Variants in PCDH11X observed in about 807,000 individuals in gnomAD.
PCDH11X encodes the protein protocadherin-11 X-linked.
In PCDH11X, 18 loss-of-function variants were observed where a neutral mutation model predicts 53.3. The ratio of observed to expected loss-of-function variants is 0.34; its 90% CI spans 0.23 to 0.50. The LOEUF is 0.50. Ranked by LOEUF, PCDH11X falls within the 20% of genes least tolerant of loss-of-function variation. PCDH11X has a pLI of 0.98. For synonymous variants in PCDH11X, 279 were observed against 393.3 expected (o/e 0.71, Z 3.44); for missense variants, 570 against 1,032.4 (o/e 0.55, Z 6.14).
At chrX:91,989,287 G>T (rs902836076) in intron 6 of PCDH11X, among the ~76,000 whole-genome samples, 2 of 111,462 alleles carry the variant, frequency 1.8e-5, no homozygotes, top group Non-Finnish European at 3.8e-5. Context: ...AGAAGGCCGG[G>T]CGCGGTGGCT....
At chrX:92,347,405 T>C (rs1396289052) in intron 8 of PCDH11X, among the ~76,000 whole-genome samples, 2 of 112,057 alleles carry the variant, frequency 1.8e-5, no homozygotes, top group Non-Finnish European at 3.8e-5. Context: ...GATGCTCTTA[T>C]AGTCTTCTAA....
intron 6 of PCDH11X, among the ~76,000 whole-genome samples, chrX:92,100,633 C>T (rs1383410490): frequency 9.0e-6 from 1 of 111,148 alleles, no homozygotes; most frequent in Non-Finnish European, 1.9e-5. Flanking sequence ...GCCATCTGGT[C>T]GTATCCGTGC....
intron 7 of PCDH11X, among the ~76,000 whole-genome samples, chrX:92,227,910 T>A (rs2066999358): frequency 9.0e-6 from 1 of 110,524 alleles, no homozygotes; most frequent in Admixed American, 9.8e-5. Flanking sequence ...AAAGACTATA[T>A]CTTTGAAAGT....
At chrX:92,444,555 C>T (rs1345077397) in intron 9 of PCDH11X, among the ~76,000 whole-genome samples, 1 of 109,465 alleles carries the variant, frequency 9.1e-6, no homozygotes, top group Non-Finnish European at 1.9e-5. Flanking sequence ...ATTGCTCTGG[C>T]TAGCTCTTCT....
intron 6 of PCDH11X, among the ~76,000 whole-genome samples, chrX:91,964,383 T>C (rs1448168696): frequency 9.0e-6 from 1 of 110,883 alleles, no homozygotes; most frequent in Non-Finnish European, 1.9e-5. Flanking sequence ...TGTTAGCAGG[T>C]CTATTATATA....
intron 7 of PCDH11X, among the ~76,000 whole-genome samples, chrX:92,243,765 T>C (rs886118074): frequency 5.4e-5 from 6 of 111,460 alleles, no homozygotes; most frequent in Non-Finnish European, 1.1e-4. Flanking sequence ...GCTTATGATA[T>C]CAAGGGTTGT....
chrX:91,958,579 T>C (rs1408152192), intron 6 of PCDH11X, among the ~76,000 whole-genome samples: 1 of 110,775 alleles, frequency 9.0e-6, no homozygotes, highest in Non-Finnish European at 1.9e-5. Context: ...TGGATGAGGG[T>C]GGGGCTTCCT....
At chrX:92,136,613 G>A (rs1364314532) in intron 6 of PCDH11X, among the ~76,000 whole-genome samples, 1 of 102,456 alleles carries the variant, frequency 9.8e-6, no homozygotes, top group Non-Finnish European at 2.0e-5. Flanking sequence ...CATCCCACAG[G>A]GGTATAACTG....
rs200742599 is a variant in PCDH11X, at chrX:91,794,160, C to A, written c.-379+14476C>A. Among the ~76,000 whole-genome samples the A allele has an allele frequency of 2.2e-4, 25 of 111,949 alleles. No homozygotes were observed. The East Asian group carries it at 6.2e-3, about 28-fold the overall frequency. On this transcript the variant is annotated intron_variant, in intron 1 of 10. Transcript: ENST00000682573. ...GTTCTACATAAAGGTGATATTTATT[C>A]GTGAATGTTTTCTTGAAAGAAGCCT...
chrX:91,892,476 T>C (rs977817506), intron 6 of PCDH11X, among the ~76,000 whole-genome samples: 1 of 110,762 alleles, frequency 9.0e-6, no homozygotes, highest in Non-Finnish European at 1.9e-5. Flanking sequence ...TTCTACTTGT[T>C]CATTCTATCT....
chrX:92,358,936 T>G (rs1274840004), intron 8 of PCDH11X, among the ~76,000 whole-genome samples: 1 of 108,419 alleles, frequency 9.2e-6, no homozygotes, highest in East Asian at 2.9e-4. Flanking sequence ...CTCACTAATC[T>G]GCAGTCCTTC....
At chrX:92,457,359 G>A (rs371366291) in intron 9 of PCDH11X, among the ~76,000 whole-genome samples, 6,495 of 100,370 alleles carry the variant, frequency 0.065, 347 homozygotes, top group Middle Eastern at 0.09. Context: ...GTCCCAATAA[G>A]ATATATATTA....
At chrX:92,273,976 G>A (rs1232646497) in intron 8 of PCDH11X, among the ~76,000 whole-genome samples, 2 of 109,077 alleles carry the variant, frequency 1.8e-5, no homozygotes, top group African/African-American at 6.7e-5. Flanking sequence ...ATGGCTTGGA[G>A]AAACAGTGTA....
At chrX:92,399,438 G>A (rs1345558579) in intron 9 of PCDH11X, among the ~76,000 whole-genome samples, 2 of 110,611 alleles carry the variant, frequency 1.8e-5, no homozygotes, top group Non-Finnish European at 3.8e-5. Context: ...ATGAAGGAGA[G>A]CAGAGCAGCA....
chrX:91,927,699 G>A (rs184608639), intron 6 of PCDH11X, among the ~76,000 whole-genome samples: 557 of 111,433 alleles, frequency 5.0e-3, no homozygotes, highest in Middle Eastern at 0.014. Flanking sequence ...CTTATGTAAC[G>A]CATCTTTGAT....
At chrX:92,490,408 A>G (rs1253301150) in intron 10 of PCDH11X, among the ~76,000 whole-genome samples, 1 of 111,779 alleles carries the variant, frequency 8.9e-6, no homozygotes, top group East Asian at 2.8e-4. Flanking sequence ...TGAAGCTGTC[A>G]AGTTTATGTC....
intron 1 of PCDH11X, among the ~76,000 whole-genome samples, chrX:91,779,949 T>A (rs1283850161): frequency 8.9e-6 from 1 of 111,775 alleles, no homozygotes; most frequent in Admixed American, 9.4e-5. Flanking sequence ...CTCTCACTTT[T>A]GTCAGAAATG....
intron 8 of PCDH11X, among the ~76,000 whole-genome samples, chrX:92,293,571 C>A (rs1164707528): frequency 9.6e-6 from 1 of 103,681 alleles, no homozygotes; most frequent in Non-Finnish European, 1.9e-5. Context: ...GGCAGTAAGC[C>A]GAGATCGCGC....
chrX:92,104,274 C>T (rs1296980396), intron 6 of PCDH11X, among the ~76,000 whole-genome samples: 5 of 109,741 alleles, frequency 4.6e-5, no homozygotes, highest in African/African-American at 1.3e-4. Context: ...GGACCTAGCT[C>T]AGCCTGTCGA....
Sources: gnomAD v4.1 joint callset for allele counts (sites outside exome capture counted in the v4.1 genomes callset) on GRCh38, gnomAD v4.1.1 for gene constraint, MANE v1.5 for transcripts, NCBI Gene and HGNC (gene_info 2026-07-23, HGNC 2026-07-21) for gene names.